Variants in TRIOBP observed in about 807,000 individuals in gnomAD.
TRIOBP encodes the protein TRIO and F-actin-binding protein.
Under a neutral mutation model 238.8 loss-of-function variants are expected in TRIOBP, and 169 were observed. That is an observed-to-expected ratio of 0.71 (90% CI 0.62 to 0.80). The LOEUF is 0.80. Among genes scored for constraint, TRIOBP ranks in the 30% least tolerant of loss-of-function variants. TRIOBP has a pLI of 0.00. For synonymous variants in TRIOBP, 1,150 were observed against 1,274.4 expected, an observed-to-expected ratio of 0.90 and a Z score of 2.08; for missense variants, 2,838 against 3,122.6, an observed-to-expected ratio of 0.91 and a Z score of 2.17.
intron 9 of TRIOBP, 90 bp downstream of exon 9, chr22:37,735,532 T>C: frequency 6.9e-7 from 1 of 1,439,770 alleles, no homozygotes; most frequent in Non-Finnish European, 9.4e-7. Context: ...TGGAGTAGCC[T>C]AAGCTCCTGC....
At chr22:37,711,631 CG>C (rs941550104) in intron 4 of TRIOBP, among the ~76,000 whole-genome samples, 1 of 141,042 alleles carries the variant, frequency 7.1e-6, no homozygotes, top group Admixed American at 7.0e-5. Flanking sequence ...CACAAAAAAA[CG>C]AAAAAAAAAA....
At chr22:37,743,662 G>A (rs969891270) in intron 11 of TRIOBP, among the ~76,000 whole-genome samples, 8 of 152,184 alleles carry the variant, frequency 5.3e-5, no homozygotes, top group African/African-American at 1.4e-4. Flanking sequence ...GTGGGGAAAG[G>A]TACAGATGTA....
rs367908386 is a variant in TRIOBP, at chr22:37,751,754, C to T, written c.5323-18C>T. 141 of 1,613,982 alleles carry T rather than the reference C, an allele frequency of 8.7e-5. No homozygotes were observed. In the South Asian group the frequency reaches 1.3e-3, roughly 15 times the overall value. ...TTCCTGCTGGACCCAACTCACCTCC[C>T]TCCTCATCTCCCCACAGCCCGATCT... On this transcript the variant is annotated intron_variant, in intron 11 of 23. Coordinates refer to ENST00000644935, the MANE Select transcript of TRIOBP (RefSeq NM_001039141.3).
At chr22:37,743,800 A>AGTGTGTGTGTGTGT (rs1238130911) in intron 11 of TRIOBP, among the ~76,000 whole-genome samples, 4 of 55,398 alleles carry the variant, frequency 7.2e-5, no homozygotes, top group Non-Finnish European at 1.1e-4. Flanking sequence ...AGAGAGAGAG[A>AGTGTGTGTGTGTGT]ATGTGTGTGT....
At position 37,724,990 on chromosome 22, in the gene TRIOBP, C is replaced by G. The variant is rs760563869; in HGVS notation, c.2434C>G (p.Gln812Glu). 12 of 1,613,842 alleles carry G rather than the reference C, an allele frequency of 7.4e-6. No homozygotes were observed. In the Admixed American group the frequency reaches 2.0e-4, roughly 27 times the overall value. The stretch of plus-strand genomic sequence containing the variant: ...CTCCTCTCCCATCAGAGCCACCCAA[C>G]AGGACAACCCCAGAACTTGTATTCA... ...RASSPIRATQQDNPRTCIQQN... is the reference protein window; with the variant it reads ...RASSPIRATQEDNPRTCIQQN... The change falls in exon 7 of 24, where the codon CAG becomes GAG. Residue 812 changes from glutamine to glutamate, a missense_variant. Coordinates refer to ENST00000644935, the MANE Select transcript of TRIOBP (RefSeq NM_001039141.3).
chr22:37,751,761 T>A lies in TRIOBP; in HGVS notation c.5323-11T>A, dbSNP rs1480894179. On this transcript the variant is annotated splice_polypyrimidine_tract_variant and intron_variant, in intron 11 of 23. Transcript: ENST00000644935. ...TGGACCCAACTCACCTCCCTCCTCA[T>A]CTCCCCACAGCCCGATCTGCTCAAC... 4 of 1,613,776 alleles carry A rather than the reference T, an allele frequency of 2.5e-6. No homozygotes were observed. In the Admixed American group the frequency reaches 5.0e-5, roughly 20 times the overall value.
intron 17 of TRIOBP, 173 bp downstream of exon 17, chr22:37,759,437 G>T: frequency 1.4e-6 from 2 of 1,399,432 alleles, no homozygotes; most frequent in East Asian, 4.6e-5. Context: ...TGATCACTGT[G>T]CCCGTTTTAC....
At position 37,734,662 on chromosome 22, in the gene TRIOBP, C is replaced by G; in HGVS notation, c.4326C>G (p.His1442Gln). The G allele has an allele frequency of 6.3e-7, 1 of 1,599,420 alleles. No homozygotes were observed. The highest frequency in any genetic ancestry group is 8.5e-7 in the Non-Finnish European group (1 of 1,173,578). Reference sequence around the variant, plus strand: ...CAGGGTCCCAGGGCCCTCATAGACACCTAGAAAGGAGCTGGAGCAGCCAGG... The same window carrying G: ...CAGGGTCCCAGGGCCCTCATAGACAGCTAGAAAGGAGCTGGAGCAGCCAGG... ...EPPGSQGPHR[H>Q]LERSWSSQEG... The change falls in exon 9 of 24, where the codon CAC (histidine) becomes CAG (glutamine). Residue 1442 changes from histidine (H) to glutamine (Q), a missense_variant. Transcript: ENST00000644935.
At chr22:37,740,840 G>T in intron 10 of TRIOBP, 55 bp from the exon 11 acceptor site, 1 of 1,551,950 alleles carries the variant, frequency 6.4e-7, no homozygotes, top group Non-Finnish European at 8.7e-7. Context: ...TGTAGCCAGG[G>T]GTGCCCCCAT....
Position 37,754,985 on chromosome 22 carries a change from G to A in TRIOBP, c.5487+1G>A. ...TTACAGAGACTCCACTGCTGAGGAG[G>A]TGAGGCCATGGGTGTACTGATGAAC... On this transcript the variant is annotated splice_donor_variant, in intron 13 of 23. Transcript: ENST00000644935. LOFTEE classifies it high-confidence loss of function. 2.5e-6 allele frequency: 4 copies of A among 1,614,010 alleles called. No homozygotes were observed. Among genetic ancestry groups the A allele is most frequent in the East Asian group, 2.2e-5 (1 of 44,882 alleles).
chr22:37,733,399 C>T lies in TRIOBP; in HGVS notation c.4049C>T (p.Ala1350Val). ...CTTCTCCGAAGACAGTCCAGCCCTG[C>T]CCCCAGCAGGCAGGTGAGCACTGCC... ...SQLLRRQSSP[A>V]PSRQVTMLPA... The change falls in exon 8 of 24, where the codon GCC (alanine) becomes GTC (valine). Residue 1350 changes from alanine to valine, a missense_variant. Ala to Val is a moderately conservative substitution (Grantham distance 64). Coordinates refer to ENST00000644935, the MANE Select transcript of TRIOBP (RefSeq NM_001039141.3). 6.4e-7 allele frequency: 1 copy of T among 1,550,606 alleles called. No individual in the cohort carries two copies. Among genetic ancestry groups the T allele is most frequent in the Non-Finnish European group, 8.7e-7 (1 of 1,146,890 alleles).
chr22:37,701,855 C>A lies in TRIOBP; in HGVS notation c.114+376C>A, dbSNP rs113355653. ...TAAGAAGAAAGGTAGAGGCTGGGCA[C>A]GGTGGCTCACGCCTGTAATCCCAGC... On this transcript the variant is annotated intron_variant, in intron 3 of 23. Coordinates refer to ENST00000644935, the MANE Select transcript of TRIOBP (RefSeq NM_001039141.3). 4.3e-3 allele frequency among the ~76,000 whole-genome samples: 651 copies of A among 152,278 alleles called. 3 individuals are homozygous for A. The highest frequency in any genetic ancestry group is 0.015 in the African/African-American group (613 of 41,544).
rs1392273478 is a variant in TRIOBP, at chr22:37,748,358, G to A, written c.5323-3414G>A. Among the ~76,000 whole-genome samples, 3 of 152,196 alleles carry A rather than the reference G, an allele frequency of 2.0e-5. No homozygotes were observed. In the East Asian group the frequency reaches 5.8e-4, roughly 29 times the overall value. ...GAGCAAGTGGCACAGGTGTGTGAGT[G>A]TGTGAGGCTCCGGGGCTTCAGGGAG... is the stretch of plus-strand genomic sequence containing the variant. On this transcript the variant is annotated intron_variant, in intron 11 of 23. Coordinates refer to ENST00000644935, the MANE Select transcript of TRIOBP (RefSeq NM_001039141.3).
chr22:37,733,184 C>T (rs2145841131), intron 7 of TRIOBP, 114 bp from the exon 8 acceptor site: 1 of 818,002 alleles, frequency 1.2e-6, no homozygotes, highest in South Asian at 1.5e-5. Context: ...CTTCAACGAG[C>T]TTGCAGTGGG....
chr22:37,725,061 A>G lies in TRIOBP; in HGVS notation c.2505A>G (p.Lys835=). 1 of 1,614,138 alleles carries G rather than the reference A, an allele frequency of 6.2e-7. No individual in the cohort carries two copies. The highest frequency in any genetic ancestry group is 8.5e-7 in the Non-Finnish European group (1 of 1,180,020). Reference sequence around the variant, plus strand: ...CTTCTACCCAACAAGACAACCCTAAAACCTCTTGTACCAAACGAGATAACC... The same window carrying G: ...CTTCTACCCAACAAGACAACCCTAAGACCTCTTGTACCAAACGAGATAACC... ...RSSSTQQDNP[K]TSCTKRDNLR... Residue 835 remains lysine (K), a synonymous_variant, in exon 7 of 24, where the codon AAA becomes AAG. Coordinates refer to ENST00000644935, the MANE Select transcript of TRIOBP (RefSeq NM_001039141.3).
intron 21 of TRIOBP, among the ~76,000 whole-genome samples, chr22:37,769,783 T>A (rs1926676502): frequency 6.6e-6 from 1 of 151,950 alleles, no homozygotes; most frequent in African/African-American, 2.4e-5. Flanking sequence ...GGCTGGAGTG[T>A]AGTGACACGA....
intron 17 of TRIOBP, among the ~76,000 whole-genome samples, chr22:37,764,634 T>TG (rs1926397158): frequency 6.6e-6 from 1 of 152,164 alleles, no homozygotes; most frequent in Non-Finnish European, 1.5e-5. Flanking sequence ...GGTCAACCAG[T>TG]GGGGTCGCAA....
chr22:37,756,054 C>G (rs1039847993), intron 15 of TRIOBP, among the ~76,000 whole-genome samples: 1 of 152,206 alleles, frequency 6.6e-6, no homozygotes. Context: ...GCCACGGGCA[C>G]TGGGGCAGGA....
At chr22:37,759,031 C>T in intron 16 of TRIOBP, 123 bp from the exon 17 acceptor site, 1 of 827,678 alleles carries the variant, frequency 1.2e-6, no homozygotes, top group East Asian at 2.7e-5. Context: ...TGAGGCATTC[C>T]TAAGCCTTCC....
Sources: allele counts gnomAD v4.1 joint callset (sites outside exome capture counted in the v4.1 genomes callset), GRCh38; gene constraint gnomAD v4.1.1; transcripts MANE v1.5; gene names NCBI Gene and HGNC (gene_info 2026-07-23, HGNC 2026-07-21).